DNAJC7: variants seen among roughly 807,000 people sequenced by gnomAD.
DNAJC7 encodes the protein dnaJ homolog subfamily C member 7.
DNAJC7 carries 18 observed loss-of-function variants against 67.4 expected under a neutral mutation model. The ratio of observed to expected loss-of-function variants is 0.27; its 90% confidence interval spans 0.18 to 0.40. The LOEUF (loss-of-function observed/expected upper bound fraction) is 0.40, where lower values mean the gene tolerates loss of function less well. DNAJC7 is among the 10% of genes least tolerant of loss of function. The probability of loss-of-function intolerance (pLI) is 1.00; values close to 1 mark genes in which losing one functional copy is unlikely to be tolerated. For synonymous variants in DNAJC7, 220 were observed against 207.8 expected, an observed-to-expected ratio of 1.06 and a Z score of -0.50; for missense variants, 419 against 613.8, an observed-to-expected ratio of 0.68 and a Z score of 3.35.
intron 12 of DNAJC7, among the ~76,000 whole-genome samples, chr17:41,981,128 C>G (rs782111626): frequency 6.6e-6 from 1 of 152,034 alleles, no homozygotes; most frequent in Non-Finnish European, 1.5e-5. Context: ...CTCCACCTCC[C>G]GGGTTCAAGT....
At position 41,987,894 on chromosome 17, in the gene DNAJC7, T is replaced by C; in HGVS notation, c.935A>G (p.Asp312Gly). The C allele has an allele frequency of 6.2e-7, 1 of 1,611,200 alleles. No homozygotes were observed. The highest frequency in any genetic ancestry group is 1.1e-5 in the South Asian group (1 of 90,464). ...TVNSKLRKLD[D>G]AIEDCTNAVK... is the part of the protein sequence containing the mutation. ...TGCATTTGTGCAGTCTTCTATTGCA[T>C]CATCTAGTTTCCTAAGCTTCAGGAG... is the stretch of plus-strand genomic sequence containing the variant. The change falls in exon 9 of 14, where the codon GAT becomes GGT. Residue 312 changes from aspartate (D) to glycine (G), a missense_variant. Asp to Gly is a moderately conservative substitution (Grantham distance 94). Around this residue, in one of 4 missense-constraint regions of DNAJC7, gnomAD observed 161 missense variants for 252.2 expected, o/e 0.64. Coordinates refer to ENST00000457167, the MANE Select transcript of DNAJC7 (RefSeq NM_003315.4).
rs1281672280 is a variant in DNAJC7, at chr17:41,982,347, T to C, written c.1139A>G (p.Lys380Arg). 5 of 1,613,894 alleles carry C rather than the reference T, an allele frequency of 3.1e-6. No individual in the cohort carries two copies. Among genetic ancestry groups the C allele is most frequent in the Non-Finnish European group, 4.2e-6 (5 of 1,179,900 alleles). Residue 380 changes from lysine (K) to arginine (R), a missense_variant, in exon 11 of 14, where the codon AAA becomes AGA. This residue lies in a region of DNAJC7 where 161 missense variants were observed against 252.2 expected (regional missense o/e 0.64). Transcript: ENST00000457167. ...AQLELKKSKR[K>R]DYYKILGVDK... ...CACTCCTAGAATCTTGTAGTAATCT[T>C]TCCTCTTACTCTTCTTCAGTTCCAG...
chr17:41,982,571 T>C (rs1555646168), intron 10 of DNAJC7, among the ~76,000 whole-genome samples, 170 bp from the exon 11 acceptor site: 1 of 152,124 alleles, frequency 6.6e-6, no homozygotes, highest in Admixed American at 6.6e-5. Flanking sequence ...GCACGGTGAC[T>C]CATGCCTGTA....
chr17:41,986,374 T>C (rs1036110904), intron 9 of DNAJC7, among the ~76,000 whole-genome samples: 1 of 151,654 alleles, frequency 6.6e-6, no homozygotes, highest in Non-Finnish European at 1.5e-5. Context: ...CCGAGCGACA[T>C]AGCGAGACTC....
intron 2 of DNAJC7, among the ~76,000 whole-genome samples, chr17:41,999,002 A>G (rs2143258163): frequency 6.6e-6 from 1 of 152,284 alleles, no homozygotes; most frequent in African/African-American, 2.4e-5. Context: ...CCGGGGCAAC[A>G]TGGTAAGACC....
intron 1 of DNAJC7, chr17:42,016,911 G>C: frequency 9.2e-7 from 1 of 1,089,908 alleles, no homozygotes; most frequent in Non-Finnish European, 1.1e-6. Context: ...GGGAAAACGG[G>C]GTGAGGAGAG....
intron 2 of DNAJC7, among the ~76,000 whole-genome samples, chr17:41,999,801 G>A (rs781981482): frequency 1.3e-5 from 2 of 152,228 alleles, no homozygotes; most frequent in Non-Finnish European, 2.9e-5. Flanking sequence ...TTATAGGCGT[G>A]AGCCACTGAG....
intron 5 of DNAJC7, among the ~76,000 whole-genome samples, chr17:41,991,656 A>G (rs782318299): frequency 1.3e-5 from 2 of 152,176 alleles, no homozygotes; most frequent in African/African-American, 2.4e-5. Flanking sequence ...CTCATCACTG[A>G]ATATTTTTCA....
chr17:41,982,203 G>A, intron 11 of DNAJC7, 52 bp downstream of exon 11: 14 of 1,608,462 alleles, frequency 8.7e-6, no homozygotes, highest in Non-Finnish European at 1.2e-5. Flanking sequence ...TGTGGCAGTT[G>A]GCCTGCCCTG....
intron 1 of DNAJC7, among the ~76,000 whole-genome samples, chr17:42,002,331 C>T (rs782652668): frequency 1.3e-5 from 2 of 152,086 alleles, no homozygotes; most frequent in Admixed American, 6.5e-5. Flanking sequence ...TTGAGGAAAA[C>T]GAAGACATCT....
chr17:41,987,772 A>T, intron 9 of DNAJC7, 47 bp downstream of exon 9: 1 of 1,515,362 alleles, frequency 6.6e-7, no homozygotes, highest in Non-Finnish European at 9.0e-7. Context: ...AATTCCCCTG[A>T]GGCCAGCGGC....
At chr17:41,976,799 G>C in intron 13 of DNAJC7, 29 bp from the exon 14 acceptor site, 1 of 1,601,054 alleles carries the variant, frequency 6.2e-7, no homozygotes, top group South Asian at 1.1e-5. Context: ...GTTGGTAGTT[G>C]GCTATGGATT....
At chr17:42,017,205 T>G (rs2052326053) in intron 1 of DNAJC7, 135 bp downstream of exon 1, 3 of 1,589,516 alleles carry the variant, frequency 1.9e-6, no homozygotes, top group Non-Finnish European at 2.6e-6. Context: ...CATCCGGCCT[T>G]GATCTCAGAT....
intron 1 of DNAJC7, among the ~76,000 whole-genome samples, chr17:42,010,607 C>A (rs2052091875): frequency 6.6e-6 from 1 of 152,100 alleles, no homozygotes; most frequent in South Asian, 2.1e-4. Flanking sequence ...TTTCACTTCT[C>A]AAAGTTGTCT....
At chr17:41,986,707 A>G (rs1216772984) in intron 9 of DNAJC7, among the ~76,000 whole-genome samples, 1 of 152,184 alleles carries the variant, frequency 6.6e-6, no homozygotes, top group African/African-American at 2.4e-5. Context: ...ACTGACAGTC[A>G]GTCTCACAGA....
chr17:41,992,286 C>T (rs999836415), intron 5 of DNAJC7, among the ~76,000 whole-genome samples: 3 of 152,170 alleles, frequency 2.0e-5, no homozygotes, highest in Non-Finnish European at 4.4e-5. Flanking sequence ...AATTCTCCTG[C>T]CTTTGCCCTC....
At chr17:41,988,376 C>T (rs2143169911) in intron 8 of DNAJC7, among the ~76,000 whole-genome samples, 1 of 152,298 alleles carries the variant, frequency 6.6e-6, no homozygotes, top group South Asian at 2.1e-4. Flanking sequence ...AACAAGCTTG[C>T]CTCATACTCT....
chr17:41,983,838 C>G (rs1319495255), intron 9 of DNAJC7, among the ~76,000 whole-genome samples: 1 of 152,222 alleles, frequency 6.6e-6, no homozygotes, highest in Non-Finnish European at 1.5e-5. Context: ...TCGCATGGCA[C>G]TTGCATCCAA....
rs782650996 is a variant in DNAJC7 at position 41,976,715 on chromosome 17, C to A, written c.*18G>T. 1 of 1,609,342 alleles carries A rather than the reference C, an allele frequency of 6.2e-7. No homozygotes were observed. On this transcript the variant is annotated 3_prime_UTR_variant, in exon 14 of 14. Transcript: ENST00000457167. ...TGAGTGAATCTGCATTTTCTGGGTT[C>A]TGGGTGGTTGCCCTTCATTAGCCAA...
Sources: gnomAD v4.1 joint callset for allele counts (sites outside exome capture counted in the v4.1 genomes callset) on GRCh38, gnomAD v4.1.1 for gene constraint, gnomAD v4.1.1 regional missense constraint, MANE v1.5 for transcripts, NCBI Gene and HGNC (gene_info 2026-07-23, HGNC 2026-07-21) for gene names.